Variants in PSMA1 observed in about 807,000 individuals in gnomAD.
PSMA1 encodes proteasome 20S subunit alpha 1.
Under a neutral mutation model 38.4 loss-of-function variants are expected in PSMA1, and 3 were observed. That is an observed-to-expected ratio of 0.08 (90% confidence interval 0.04 to 0.20). PSMA1 has a LOEUF of 0.20. PSMA1 is among the 10% of genes least tolerant of loss of function. The pLI is 1.00. For synonymous variants in PSMA1, 101 were observed against 107.1 expected (o/e 0.94, Z 0.35); for missense variants, 227 against 325.3 (o/e 0.70, Z 2.32).
At chr11:14,568,926 T>C (rs918561320) in intron 2 of PSMA1, among the ~76,000 whole-genome samples, 1 of 152,178 alleles carries the variant, frequency 6.6e-6, no homozygotes, top group East Asian at 1.9e-4. Flanking sequence ...GGGCACCATG[T>C]TGTGAGGCTG....
At chr11:14,516,784 G>C (rs1051551849) in intron 4 of PSMA1, among the ~76,000 whole-genome samples, 2 of 152,132 alleles carry the variant, frequency 1.3e-5, no homozygotes, top group Non-Finnish European at 2.9e-5. Context: ...AAATTAGCCA[G>C]GCGTGGTGGC....
At chr11:14,577,003 G>T (rs1157707631) in intron 2 of PSMA1, among the ~76,000 whole-genome samples, 1 of 152,188 alleles carries the variant, frequency 6.6e-6, no homozygotes, top group Non-Finnish European at 1.5e-5. Flanking sequence ...CACATCCCTT[G>T]TAAGTTGGAT....
intron 9 of PSMA1, among the ~76,000 whole-genome samples, chr11:14,505,750 A>C (rs547233457): frequency 6.6e-6 from 1 of 152,268 alleles, no homozygotes; most frequent in East Asian, 1.9e-4. Flanking sequence ...CACACCTGTA[A>C]TCCCAACACT....
chr11:14,516,920 T>C (rs962398757), intron 4 of PSMA1, among the ~76,000 whole-genome samples: 1 of 152,004 alleles, frequency 6.6e-6, no homozygotes, highest in Non-Finnish European at 1.5e-5. Flanking sequence ...TGAGACTCCA[T>C]CTCAAAAAAA....
At chr11:14,577,935 C>G (rs1008417369) in intron 2 of PSMA1, among the ~76,000 whole-genome samples, 5 of 152,198 alleles carry the variant, frequency 3.3e-5, no homozygotes, top group African/African-American at 7.2e-5. Flanking sequence ...GAGCCTCTAA[C>G]ATGATTTGCA....
intron 2 of PSMA1, among the ~76,000 whole-genome samples, chr11:14,598,169 A>C (rs1270448574): frequency 6.6e-6 from 1 of 151,992 alleles, no homozygotes; most frequent in Non-Finnish European, 1.5e-5. Context: ...TTACTTCCAA[A>C]TATGTGGTCA....
chr11:14,629,130 T>C (rs1464564365), intron 1 of PSMA1, among the ~76,000 whole-genome samples: 1 of 152,188 alleles, frequency 6.6e-6, no homozygotes, highest in East Asian at 1.9e-4. Flanking sequence ...CTGTTCACTC[T>C]GATGGTAGTT....
chr11:14,611,305 C>T (rs1160443949), intron 1 of PSMA1, among the ~76,000 whole-genome samples: 4 of 152,084 alleles, frequency 2.6e-5, no homozygotes, highest in South Asian at 2.1e-4. Flanking sequence ...ATGTTCCCCA[C>T]GTGGAGGGAA....
At chr11:14,590,011 CT>C (rs1852392137) in intron 2 of PSMA1, among the ~76,000 whole-genome samples, 1 of 152,170 alleles carries the variant, frequency 6.6e-6, no homozygotes, top group Non-Finnish European at 1.5e-5. Flanking sequence ...TATTATCCAG[CT>C]TTAAAAGGGG....
At chr11:14,602,533 T>G (rs537704646) in intron 2 of PSMA1, among the ~76,000 whole-genome samples, 32 of 152,314 alleles carry the variant, frequency 2.1e-4, no homozygotes, top group Non-Finnish European at 3.5e-4. Context: ...TTATTTTTCT[T>G]GTAATTTTAC....
chr11:14,600,266 C>T (rs1852564010), intron 2 of PSMA1, among the ~76,000 whole-genome samples: 1 of 152,238 alleles, frequency 6.6e-6, no homozygotes, highest in African/African-American at 2.4e-5. Context: ...GGGAGAACCA[C>T]TGCTCTCTTC....
chr11:14,519,269 CTT>C (rs1851485586), intron 1 of PSMA1: 2 of 586,766 alleles, frequency 3.4e-6, no homozygotes, highest in Admixed American at 2.2e-5. Flanking sequence ...TTTCCAAACT[CTT>C]ATTCTAACAC....
chr11:14,598,574 C>CTTTTTT (rs3053229), intron 2 of PSMA1, among the ~76,000 whole-genome samples: 1 of 144,242 alleles, frequency 6.9e-6, no homozygotes, highest in African/African-American at 2.6e-5. Flanking sequence ...GCAACCCCTG[C>CTTTTTT]TTTTTTTTTT....
At chr11:14,601,061 T>A (rs963294147) in intron 2 of PSMA1, among the ~76,000 whole-genome samples, 1 of 152,250 alleles carries the variant, frequency 6.6e-6, no homozygotes, top group African/African-American at 2.4e-5. Flanking sequence ...TAGCATTATG[T>A]CATGCATTAT....
intron 2 of PSMA1, among the ~76,000 whole-genome samples, chr11:14,535,387 A>T (rs1851692650): frequency 6.6e-6 from 1 of 151,832 alleles, no homozygotes; most frequent in Non-Finnish European, 1.5e-5. Flanking sequence ...TGTCATCTAG[A>T]TAGTTGAGTA....
chr11:14,522,630 A>C (rs1210382961), upstream of PSMA1, among the ~76,000 whole-genome samples: 1 of 152,142 alleles, frequency 6.6e-6, no homozygotes, highest in Admixed American at 6.5e-5. Context: ...CTAGTAAAAA[A>C]ATCTTTTGTT....
intron 5 of PSMA1, 134 bp downstream of exon 5, chr11:14,514,269 G>C (rs1851391359): frequency 7.2e-7 from 1 of 1,385,680 alleles, no homozygotes; most frequent in Non-Finnish European, 9.4e-7. Context: ...GCTAATGAAA[G>C]AGCAATCCAA....
intron 1 of PSMA1, among the ~76,000 whole-genome samples, chr11:14,638,364 T>C (rs1853136828): frequency 6.6e-6 from 1 of 151,834 alleles, no homozygotes; most frequent in Non-Finnish European, 1.5e-5. Context: ...AATTTATTTC[T>C]AATTCCATGC....
intron 1 of PSMA1, among the ~76,000 whole-genome samples, chr11:14,634,120 C>G (rs773092548): frequency 2.6e-5 from 4 of 152,186 alleles, no homozygotes; most frequent in Non-Finnish European, 2.9e-5. Context: ...ACACTGAGAG[C>G]TGTAGACCCG....
Sources: allele counts gnomAD v4.1 joint callset (sites outside exome capture counted in the v4.1 genomes callset), GRCh38; gene constraint gnomAD v4.1.1; transcripts MANE v1.5; gene names NCBI Gene and HGNC (gene_info 2026-07-23, HGNC 2026-07-21).